Variants in CYB5R4 observed in about 807,000 individuals in gnomAD.
CYB5R4 encodes the protein cytochrome b5 reductase 4.
Under a neutral mutation model 70.2 loss-of-function variants are expected in CYB5R4, and 55 were observed. The ratio of observed to expected loss-of-function variants is 0.78; its 90% confidence interval spans 0.63 to 0.98. The LOEUF is 0.98. Among genes scored for constraint, CYB5R4 ranks in the 50% least tolerant of loss-of-function variants. CYB5R4 has a pLI of 0.00. For synonymous variants in CYB5R4, 197 were observed against 199.5 expected (o/e 0.99, Z 0.11); for missense variants, 562 against 612.6 (o/e 0.92, Z 0.87).
chr6:83,909,173 A>T, intron 4 of CYB5R4, 83 bp downstream of exon 4: 1 of 1,089,784 alleles, frequency 9.2e-7, no homozygotes, highest in Non-Finnish European at 1.4e-6. Flanking sequence ...AACTAGGTCT[A>T]TACAAATCAC....
rs1189327358 is a variant in CYB5R4 at position 83,880,457 on chromosome 6, T to C, written c.230-13065T>C. ...AGTCAGGAAAATGAACCCATGAAGT[T>C]GAAAAGACATGGAGGAAGGCAGGGA... On this transcript the variant is annotated intron_variant, in intron 2 of 15. Transcript: ENST00000369681. Among the ~76,000 whole-genome samples, 3 of 152,162 alleles carry C rather than the reference T, an allele frequency of 2.0e-5. No homozygotes were observed. The East Asian group carries it at 5.8e-4, about 29-fold the overall frequency.
chr6:83,915,787 A>G (rs2099465410), intron 5 of CYB5R4, among the ~76,000 whole-genome samples: 1 of 152,222 alleles, frequency 6.6e-6, no homozygotes, highest in East Asian at 1.9e-4. Context: ...ATGTCTCTGT[A>G]TTTGCAAATG....
In CYB5R4 at chr6:83,870,971, C is replaced by CTTT. The variant is rs759131653; in HGVS notation, c.229+6663_229+6665dup. On this transcript the variant is annotated intron_variant, in intron 2 of 15. Coordinates refer to ENST00000369681, the MANE Select transcript of CYB5R4 (RefSeq NM_016230.4). ...TACATGTCCCTTCTTTCATTGTTTGCTTTTTTTTTTTTTTTTTTTTTTGCG... is the reference window on the plus strand; with the variant it reads ...TACATGTCCCTTCTTTCATTGTTTGCTTTTTTTTTTTTTTTTTTTTTTTTTGCG... 3.3e-3 allele frequency among the ~76,000 whole-genome samples: 295 copies of CTTT among 88,590 alleles called. 5 individuals carry two copies. The highest frequency in any genetic ancestry group is 8.6e-3 in the African/African-American group (174 of 20,240). 58.1% of individuals were successfully genotyped at this position (88,590 alleles called of 152,430 possible). A position where few individuals can be genotyped will look rare whatever the true frequency, so the allele number is the denominator to read the frequency against.
chr6:83,951,021 T>C (rs1356368168), intron 14 of CYB5R4, among the ~76,000 whole-genome samples: 2 of 152,148 alleles, frequency 1.3e-5, no homozygotes, highest in African/African-American at 2.4e-5. Context: ...ACCTAGTCAG[T>C]AGAGGCCAGG....
At chr6:83,899,788 A>C (rs2099462566) in intron 3 of CYB5R4, among the ~76,000 whole-genome samples, 1 of 152,116 alleles carries the variant, frequency 6.6e-6, no homozygotes, top group African/African-American at 2.4e-5. Flanking sequence ...GGTAGCTTGT[A>C]TTTCTGTGGG....
chr6:83,889,519 T>C (rs1270336635), intron 2 of CYB5R4, among the ~76,000 whole-genome samples: 4 of 152,226 alleles, frequency 2.6e-5, no homozygotes, highest in African/African-American at 9.6e-5. Flanking sequence ...CATGGTTTAC[T>C]GAATATTTTA....
At chr6:83,911,858 A>G (rs888801382) in intron 4 of CYB5R4, among the ~76,000 whole-genome samples, 1 of 152,078 alleles carries the variant, frequency 6.6e-6, no homozygotes. Flanking sequence ...AGCCTGGGCT[A>G]CATAGCGAAA....
rs74942445 is a variant in CYB5R4 at position 83,921,967 on chromosome 6, C to T, written c.659-471C>T. On this transcript the variant is annotated intron_variant, in intron 8 of 15. Coordinates refer to ENST00000369681, the MANE Select transcript of CYB5R4 (RefSeq NM_016230.4). ...CTAGAAAATACCTGTCACACATAGA[C>T]GCTCAATAAAATTTTTTTTCAATAA... 4.6e-3 allele frequency among the ~76,000 whole-genome samples: 694 copies of T among 152,240 alleles called. 2 individuals are homozygous for T. Among genetic ancestry groups the T allele is most frequent in the Non-Finnish European group, 6.7e-3 (457 of 68,016 alleles).
At chr6:83,939,516 T>C (rs575828525) in intron 12 of CYB5R4, among the ~76,000 whole-genome samples, 1 of 152,328 alleles carries the variant, frequency 6.6e-6, no homozygotes, top group East Asian at 1.9e-4. Flanking sequence ...TTCAAAAATT[T>C]GGTAGAAGAG....
intron 3 of CYB5R4, among the ~76,000 whole-genome samples, chr6:83,898,298 G>T (rs1051020639): frequency 3.9e-5 from 6 of 152,048 alleles, no homozygotes; most frequent in Non-Finnish European, 8.8e-5. Flanking sequence ...AGTTCTGAGG[G>T]CTCTGTTCTG....
rs150748804 is a variant in CYB5R4 at position 83,871,360 on chromosome 6, C to T, written c.229+7032C>T. Among the ~76,000 whole-genome samples, 282 of 152,244 alleles carry T rather than the reference C, an allele frequency of 1.9e-3. 2 individuals carry two copies. Among genetic ancestry groups the T allele is most frequent in the Admixed American group, 7.5e-3 (114 of 15,282 alleles). On this transcript the variant is annotated intron_variant, in intron 2 of 15. Transcript: ENST00000369681. ...ATTATGCAAATAATCTAGTCTTTGT[C>T]GATTGTATTAATTCCTGTCTTACTA...
chr6:83,926,282 T>C (rs2099467256), intron 10 of CYB5R4: 1 of 152,162 alleles, frequency 6.6e-6, no homozygotes, highest in South Asian at 2.1e-4. Context: ...GTACCCAGCA[T>C]TTCAGAAGCC....
chr6:83,869,843 G>A (rs2099457291), intron 2 of CYB5R4, among the ~76,000 whole-genome samples: 1 of 151,918 alleles, frequency 6.6e-6, no homozygotes, highest in African/African-American at 2.4e-5. Context: ...AAAAGTGTCT[G>A]TTTTTGAGGT....
chr6:83,940,015 GTTT>G, intron 12 of CYB5R4, 38 bp from the exon 13 acceptor site: 1 of 1,158,902 alleles, frequency 8.6e-7, no homozygotes, highest in Non-Finnish European at 1.2e-6. Flanking sequence ...TTTGTTTTTT[GTTT>G]TTTTTTTTTC....
chr6:83,867,906 A>G (rs2099456983), intron 2 of CYB5R4, among the ~76,000 whole-genome samples: 1 of 152,240 alleles, frequency 6.6e-6, no homozygotes. Context: ...GAGTAAAGCC[A>G]TGTTGAAACT....
intron 3 of CYB5R4, among the ~76,000 whole-genome samples, chr6:83,901,433 G>A (rs2099462940): frequency 6.6e-6 from 1 of 152,086 alleles, no homozygotes; most frequent in African/African-American, 2.4e-5. Context: ...TGACAATTAT[G>A]TGTCTTGGAG....
At chr6:83,861,349 A>G (rs922817175) in intron 1 of CYB5R4, among the ~76,000 whole-genome samples, 3 of 152,258 alleles carry the variant, frequency 2.0e-5, no homozygotes, top group African/African-American at 7.2e-5. Context: ...CTGAGAATGT[A>G]AAAACTGAGT....
chr6:83,864,134 G>T (rs1478140177), intron 1 of CYB5R4, 41 bp from the exon 2 acceptor site: 1 of 1,489,790 alleles, frequency 6.7e-7, no homozygotes, highest in Non-Finnish European at 9.0e-7. Flanking sequence ...GGAATTAAAA[G>T]TAATGAAGCT....
intron 9 of CYB5R4, 84 bp downstream of exon 9, chr6:83,922,554 T>C (rs2099466546): frequency 7.8e-6 from 7 of 903,076 alleles, no homozygotes; most frequent in Non-Finnish European, 1.2e-5. Context: ...AATTGAAAAA[T>C]TAGCATTTGT....
Sources: allele counts gnomAD v4.1 joint callset (sites outside exome capture counted in the v4.1 genomes callset), GRCh38; gene constraint gnomAD v4.1.1; transcripts MANE v1.5; gene names NCBI Gene and HGNC (gene_info 2026-07-23, HGNC 2026-07-21).